MAP3K3: variants seen among roughly 807,000 people sequenced by gnomAD.
The protein encoded by MAP3K3 is MAP/ERK kinase kinase 3.
MAP3K3 carries 12 observed loss-of-function variants against 80.9 expected under a neutral mutation model. The ratio of observed to expected loss-of-function variants is 0.15; its 90% CI spans 0.10 to 0.24. MAP3K3 has a LOEUF of 0.24. Ranked by LOEUF, MAP3K3 falls within the 10% of genes least tolerant of loss-of-function variation. The probability of loss-of-function intolerance (pLI) is 1.00; values close to 1 mark genes in which losing one functional copy is unlikely to be tolerated. For missense variants in MAP3K3, 596 were observed against 834.7 expected, an observed-to-expected ratio of 0.71 and a Z score of 3.52; for synonymous variants, 272 against 307.1, an observed-to-expected ratio of 0.89 and a Z score of 1.19.
chr17:63,678,851 G>T (rs1022169340), intron 6 of MAP3K3, among the ~76,000 whole-genome samples: 2 of 151,964 alleles, frequency 1.3e-5, no homozygotes, highest in African/African-American at 4.8e-5. Context: ...CCAACATGGT[G>T]AAACCCTGTC....
intron 7 of MAP3K3, among the ~76,000 whole-genome samples, chr17:63,684,743 C>T (rs1051031100): frequency 2.0e-5 from 3 of 152,148 alleles, no homozygotes; most frequent in Non-Finnish European, 2.9e-5. Context: ...CCTTCCCTCT[C>T]GGCTCCCAAA....
intron 1 of MAP3K3, among the ~76,000 whole-genome samples, chr17:63,628,102 C>T (rs2034140576): frequency 6.6e-6 from 1 of 150,658 alleles, no homozygotes; most frequent in African/African-American, 2.4e-5. Flanking sequence ...GATGAGGTTT[C>T]ACCATGTTGA....
In MAP3K3 at chr17:63,688,524, C is replaced by T; in HGVS notation, c.711-3C>T. ...GTCTGTTTTTTCTTTTTGTTTTCTC[C>T]AGCCCATCCTTCCGGAAATCACGAA... On this transcript the variant is annotated splice_region_variant and splice_polypyrimidine_tract_variant and intron_variant, in intron 8 of 15. Transcript: ENST00000361733. 1.2e-6 allele frequency: 2 copies of T among 1,613,794 alleles called. No individual in the cohort carries two copies. Among genetic ancestry groups the T allele is most frequent in the Non-Finnish European group, 1.7e-6 (2 of 1,179,690 alleles).
At chr17:63,669,732 G>A (rs565352149) in intron 6 of MAP3K3, among the ~76,000 whole-genome samples, 2 of 152,280 alleles carry the variant, frequency 1.3e-5, no homozygotes, top group African/African-American at 2.4e-5. Flanking sequence ...GATTACAGGC[G>A]TGAGCCACCA....
At chr17:63,658,498 G>A (rs1483665792) in intron 5 of MAP3K3, among the ~76,000 whole-genome samples, 1 of 152,160 alleles carries the variant, frequency 6.6e-6, no homozygotes, top group African/African-American at 2.4e-5. Context: ...AAGGATTCCT[G>A]GAGGCCCGCA....
intron 6 of MAP3K3, among the ~76,000 whole-genome samples, chr17:63,673,977 G>A (rs2035164250): frequency 6.6e-6 from 1 of 152,016 alleles, no homozygotes. Flanking sequence ...CTACTTGGGA[G>A]GCTGAGGTGG....
Position 63,652,664 on chromosome 17 carries a change from G to A in MAP3K3, c.267+8G>A, listed in dbSNP as rs373382603. On this transcript the variant is annotated splice_region_variant and intron_variant, in intron 4 of 15. Transcript: ENST00000361733. ...CATTACATGAACAATGAGGTGAGAA[G>A]GCAGATGGATGGGGCAGGGACAAGA... The A allele has an allele frequency of 1.3e-6, 2 of 1,589,496 alleles. No homozygotes were observed. Among genetic ancestry groups the A allele is most frequent in the African/African-American group, 2.7e-5 (2 of 74,422 alleles).
intron 3 of MAP3K3, among the ~76,000 whole-genome samples, chr17:63,651,846 C>G (rs2034663314): frequency 6.6e-6 from 1 of 152,118 alleles, no homozygotes; most frequent in Non-Finnish European, 1.5e-5. Context: ...TCCTGTGACT[C>G]TGTAGTAGAA....
chr17:63,652,726 G>A (rs2034683765), intron 4 of MAP3K3, 70 bp downstream of exon 4: 11 of 1,034,880 alleles, frequency 1.1e-5, no homozygotes, highest in Non-Finnish European at 1.6e-5. Flanking sequence ...CTGTTTACCA[G>A]AGCCTTTAAA....
chr17:63,650,696 G>GA (rs752583799), intron 3 of MAP3K3, among the ~76,000 whole-genome samples: 3 of 112,480 alleles, frequency 2.7e-5, no homozygotes, highest in African/African-American at 1.1e-4. Flanking sequence ...GAGAGAGAGA[G>GA]TTTTTTTTTT....
intron 6 of MAP3K3, among the ~76,000 whole-genome samples, chr17:63,677,314 T>A (rs1261277374): frequency 2.0e-5 from 3 of 152,212 alleles, no homozygotes; most frequent in African/African-American, 7.2e-5. Context: ...TGCTGACAAA[T>A]GTTGCTGACA....
chr17:63,628,870 C>T (rs2034160377), intron 1 of MAP3K3, among the ~76,000 whole-genome samples: 2 of 152,122 alleles, frequency 1.3e-5, no homozygotes, highest in South Asian at 4.1e-4. Context: ...TTTCCATTGA[C>T]CTTTTCTCAT....
In MAP3K3 at chr17:63,691,602, C is replaced by A. The variant is rs1478187876; in HGVS notation, c.1345-131C>A. 3 of 1,356,668 alleles carry A rather than the reference C, an allele frequency of 2.2e-6. No individual in the cohort carries two copies. Among genetic ancestry groups the A allele is most frequent in the African/African-American group, 2.9e-5 (2 of 68,630 alleles). The allele number at this position is 1,356,668 out of a possible 1,614,324, so 84.0% of individuals were successfully genotyped here. On this transcript the variant is annotated intron_variant, in intron 13 of 15. Transcript: ENST00000361733. This position sits in a 1 kb window ranked among gnomAD's most constrained non-coding sequence, Gnocchi z 4.8. ...TTCCAAACTGCCTGACAGCTCCTGG[C>A]AAAATGCCCTGCCCAGCCAGATAGG...
chr17:63,687,895 A>G (rs1014776973), intron 8 of MAP3K3, among the ~76,000 whole-genome samples: 1 of 151,818 alleles, frequency 6.6e-6, no homozygotes, highest in African/African-American at 2.4e-5. Context: ...CTGAGATGCT[A>G]CAGCACTCCA....
At chr17:63,645,429 CTTTGGGAGGGT>C (rs759921748) in intron 2 of MAP3K3, among the ~76,000 whole-genome samples, 6 of 152,196 alleles carry the variant, frequency 3.9e-5, no homozygotes, top group Admixed American at 2.6e-4. Flanking sequence ...AGTGGGGTAG[CTTTGGGAGGGT>C]TTTGGGAAAT....
Position 63,632,719 on chromosome 17 carries a change from G to A in MAP3K3, c.43G>A (p.Val15Met), listed in dbSNP as rs1208634089. The change falls in exon 2 of 16, where the codon GTG becomes ATG. Residue 15 changes from valine to methionine, a missense_variant. Around this residue, in one of 2 missense-constraint regions of MAP3K3, gnomAD observed 232 missense variants for 245.8 expected, o/e 0.94. Transcript: ENST00000361733. ...EALNSIMNDLVALQMNRRHRM... is the reference protein window; with the variant it reads ...EALNSIMNDLMALQMNRRHRM... ...ATTGAACTCAATCATGAACGATCTG[G>A]TGGCCCTCCAGATGAACCGACGTCA... 3 of 1,613,972 alleles carry A rather than the reference G, an allele frequency of 1.9e-6. No homozygotes were observed. Among genetic ancestry groups the A allele is most frequent in the Non-Finnish European group, 2.5e-6 (3 of 1,180,020 alleles).
At position 63,634,709 on chromosome 17, in the gene MAP3K3, A is replaced by G. The variant is rs1206822665; in HGVS notation, c.126+1907A>G. On this transcript the variant is annotated intron_variant, in intron 2 of 15. Transcript: ENST00000361733. ...AACCTCAGTTTTTTTGTTTTTAAAGAAAAAACACAACAGCAGCAGCTCAGC... is the reference window on the plus strand; with the variant it reads ...AACCTCAGTTTTTTTGTTTTTAAAGGAAAAACACAACAGCAGCAGCTCAGC... 5 of 1,611,216 alleles carry G rather than the reference A, an allele frequency of 3.1e-6. No homozygotes were observed. In the African/African-American group the frequency reaches 6.7e-5, roughly 22 times the overall value.
chr17:63,648,214 C>A (rs1426652932), intron 3 of MAP3K3, among the ~76,000 whole-genome samples: 1 of 152,232 alleles, frequency 6.6e-6, no homozygotes, highest in African/African-American at 2.4e-5. Flanking sequence ...CTTGACCAGA[C>A]TTTCAAGCTG....
intron 2 of MAP3K3, among the ~76,000 whole-genome samples, chr17:63,633,103 C>T (rs1415138447): frequency 6.6e-6 from 1 of 152,010 alleles, no homozygotes; most frequent in African/African-American, 2.4e-5. Flanking sequence ...TGGTCCATGC[C>T]TGTAGTCCCA....
Sources: allele counts gnomAD v4.1 joint callset (sites outside exome capture counted in the v4.1 genomes callset), GRCh38; gene constraint gnomAD v4.1.1; regional missense constraint gnomAD v4.1.1; non-coding constraint Gnocchi (gnomAD v3.1); transcripts MANE v1.5; gene names NCBI Gene and HGNC (gene_info 2026-07-23, HGNC 2026-07-21).